Variants in FAM13B observed in about 807,000 individuals in gnomAD.
The protein encoded by FAM13B is protein FAM13B.
A neutral mutation model predicts 117.3 loss-of-function variants in FAM13B; 60 were observed. The ratio of observed to expected loss-of-function variants is 0.51; its 90% CI spans 0.42 to 0.63. FAM13B has a LOEUF of 0.63. Among genes scored for constraint, FAM13B ranks in the 30% least tolerant of loss-of-function variants. FAM13B has a pLI of 0.00. For missense variants in FAM13B, 972 were observed against 1,091.9 expected (o/e 0.89, Z 1.55); for synonymous variants, 332 against 356.1 (o/e 0.93, Z 0.76).
chr5:137,938,021 G>T lies in FAM13B; in HGVS notation c.*2204C>A, dbSNP rs1760643369. 6.6e-6 allele frequency: 1 copy of T among 151,914 alleles called. No homozygotes were observed. Among genetic ancestry groups the T allele is most frequent in the African/African-American group, 2.4e-5 (1 of 41,338 alleles). The allele number at this position is 151,914 out of a possible 1,614,324, so 9.4% of individuals were successfully genotyped here. ...ACAATGAAGTGCCAGACACAGCAAT[G>T]CCATTATACTGGTGGACATATATAT... On this transcript the variant is annotated 3_prime_UTR_variant, in exon 24 of 24. Transcript: ENST00000689681.
At chr5:138,003,933 A>G (rs1319963280) in intron 7 of FAM13B, among the ~76,000 whole-genome samples, 1 of 152,140 alleles carries the variant, frequency 6.6e-6, no homozygotes, top group African/African-American at 2.4e-5. Flanking sequence ...TGCTTTTTCT[A>G]TACTTTAACC....
chr5:137,964,463 G>A lies in FAM13B; in HGVS notation c.1180-1994C>T, dbSNP rs911410332. On this transcript the variant is annotated intron_variant, in intron 10 of 23. Transcript: ENST00000689681. ...GGGCCAGGCACAGTGGCTCACACCT[G>A]TAATCCCAGCACTTTGGGAGGCTGA... is the stretch of plus-strand genomic sequence containing the variant. Among the ~76,000 whole-genome samples the A allele has an allele frequency of 3.3e-5, 5 of 151,080 alleles. No homozygotes were observed. The East Asian group carries it at 1.0e-3, about 31-fold the overall frequency.
intron 2 of FAM13B, 137 bp downstream of exon 2, chr5:138,020,894 C>T: frequency 6.4e-6 from 3 of 470,194 alleles, no homozygotes; most frequent in East Asian, 3.7e-5. Flanking sequence ...AGACAAGCAA[C>T]ATCCATTCTT....
At chr5:138,012,930 A>G (rs1007860551) in intron 4 of FAM13B, among the ~76,000 whole-genome samples, 2 of 152,108 alleles carry the variant, frequency 1.3e-5, no homozygotes, top group Non-Finnish European at 2.9e-5. Flanking sequence ...TTGGCCTTGT[A>G]TGGTGGCTCA....
intron 10 of FAM13B, among the ~76,000 whole-genome samples, chr5:137,967,872 G>A (rs904632644): frequency 3.3e-5 from 5 of 151,746 alleles, no homozygotes; most frequent in Middle Eastern, 3.2e-3. Flanking sequence ...CAGCCTGGGT[G>A]ACTAAAGCAA....
chr5:137,987,396 G>A (rs1777507788), intron 9 of FAM13B, 65 bp downstream of exon 9: 2 of 1,338,314 alleles, frequency 1.5e-6, no homozygotes, highest in Admixed American at 2.5e-5. Context: ...TATTTAAGTA[G>A]CAATACAGTT....
rs187050919 is a variant in FAM13B at position 138,028,637 on chromosome 5, C to T, written c.-203+4145G>A. ...GTGGCTCCTGCCTATAATCCCAACA[C>T]TTTGGGATGCTGAGGTGGGCAGATC... On this transcript the variant is annotated intron_variant, in intron 1 of 23. Transcript: ENST00000689681. Among the ~76,000 whole-genome samples the T allele has an allele frequency of 3.0e-4, 45 of 152,290 alleles. 1 individual carries two copies. In the East Asian group the frequency reaches 7.3e-3, roughly 25 times the overall value.
chr5:138,031,426 G>T (rs114542248), intron 1 of FAM13B, among the ~76,000 whole-genome samples: 1 of 152,108 alleles, frequency 6.6e-6, no homozygotes, highest in African/African-American at 2.4e-5. Context: ...GGTGACTCAC[G>T]CCTGTAATCC....
At chr5:138,025,254 C>T (rs1200250166) in intron 1 of FAM13B, among the ~76,000 whole-genome samples, 5 of 146,572 alleles carry the variant, frequency 3.4e-5, no homozygotes, top group Non-Finnish European at 5.9e-5. Context: ...CATCATATAC[C>T]TCACCATGAG....
rs148884869 is a variant in FAM13B, at chr5:137,949,278, T to A, written c.1931-94A>T. On this transcript the variant is annotated intron_variant, in intron 17 of 23. Coordinates refer to ENST00000689681, the MANE Select transcript of FAM13B (RefSeq NM_001385994.1). ...AAAATACACAACAAGAAAGTATACATTAACAGCACACAGACTTAGATATTT... is the reference window on the plus strand; with the variant it reads ...AAAATACACAACAAGAAAGTATACAATAACAGCACACAGACTTAGATATTT... 1.1e-5 allele frequency: 10 copies of A among 884,114 alleles called. No individual in the cohort carries two copies. In the African/African-American group the frequency reaches 1.5e-4, roughly 13 times the overall value. The allele number at this position is 884,114 out of a possible 1,614,324, so 54.8% of individuals were successfully genotyped here. A position where few individuals can be genotyped will look rare whatever the true frequency, so the allele number is the denominator to read the frequency against.
At chr5:138,031,268 T>A (rs1337441632) in intron 1 of FAM13B, among the ~76,000 whole-genome samples, 4 of 152,220 alleles carry the variant, frequency 2.6e-5, no homozygotes, top group Non-Finnish European at 5.9e-5. Flanking sequence ...CAATGAATTA[T>A]GCCACTGCAA....
intron 18 of FAM13B, among the ~76,000 whole-genome samples, chr5:137,948,725 A>AAC (rs1350532665): frequency 6.6e-6 from 1 of 152,194 alleles, no homozygotes; most frequent in African/African-American, 2.4e-5. Context: ...AACTGACTCC[A>AAC]ACATAAATGA....
chr5:138,025,032 G>A (rs532797487), intron 1 of FAM13B, among the ~76,000 whole-genome samples: 15 of 151,790 alleles, frequency 9.9e-5, no homozygotes, highest in East Asian at 1.9e-4. Context: ...CACCATGCAC[G>A]GCTAATTTTT....
At chr5:137,975,806 C>G (rs898876560) in intron 10 of FAM13B, among the ~76,000 whole-genome samples, 2 of 151,846 alleles carry the variant, frequency 1.3e-5, no homozygotes, top group Non-Finnish European at 2.9e-5. Context: ...CAGTGTTCCC[C>G]TAACTACCCT....
intron 10 of FAM13B, among the ~76,000 whole-genome samples, chr5:137,976,127 T>C (rs553330761): frequency 2.0e-5 from 3 of 151,968 alleles, no homozygotes; most frequent in African/African-American, 7.3e-5. Flanking sequence ...TGGCTAATTT[T>C]TCGTATTTTT....
chr5:138,045,100 T>G (rs1791604735), intron 1 of FAM13B, among the ~76,000 whole-genome samples: 1 of 152,206 alleles, frequency 6.6e-6, no homozygotes, highest in African/African-American at 2.4e-5. Context: ...GTATATACTC[T>G]GGAGATCTGT....
intron 14 of FAM13B, among the ~76,000 whole-genome samples, chr5:137,954,899 G>A (rs1766067142): frequency 6.6e-6 from 1 of 152,028 alleles, no homozygotes; most frequent in Non-Finnish European, 1.5e-5. Context: ...AGGGATTACA[G>A]GCATGAGCCA....
At chr5:138,025,307 A>ATATATG (rs1788019740) in intron 1 of FAM13B, among the ~76,000 whole-genome samples, 1 of 25,296 alleles carries the variant, frequency 4.0e-5, no homozygotes, top group African/African-American at 1.0e-4. Flanking sequence ...ATATATATAT[A>ATATATG]TATGTATTTT....
rs1044414524 is a variant in FAM13B, at chr5:138,013,916, T to C, written c.371-1971A>G. On this transcript the variant is annotated intron_variant, in intron 4 of 23. Transcript: ENST00000689681. ...TACTTTACCATCTTCCCTTATCCCC[T>C]ATAGCATTTTAGTTCTGTGAGCGCA... Among the ~76,000 whole-genome samples, 5 of 152,286 alleles carry C rather than the reference T, an allele frequency of 3.3e-5. No homozygotes were observed. In the East Asian group the frequency reaches 9.6e-4, roughly 29 times the overall value.
Sources: allele counts gnomAD v4.1 joint callset (sites outside exome capture counted in the v4.1 genomes callset), GRCh38; gene constraint gnomAD v4.1.1; transcripts MANE v1.5; gene names NCBI Gene and HGNC (gene_info 2026-07-23, HGNC 2026-07-21).